Variants in PITX1 observed in about 807,000 individuals in gnomAD.
PITX1 encodes pituitary homeobox 1.
Under a neutral mutation model 24.1 loss-of-function variants are expected in PITX1, and 5 were observed. That is an observed-to-expected ratio of 0.21 (90% confidence interval 0.11 to 0.44). The LOEUF is 0.44. Ranked by LOEUF, PITX1 falls within the 20% of genes least tolerant of loss-of-function variation. The pLI is 0.99. For missense variants in PITX1, 401 were observed against 455.4 expected, an observed-to-expected ratio of 0.88 and a Z score of 1.09; for synonymous variants, 213 against 208.9, an observed-to-expected ratio of 1.02 and a Z score of -0.17.
In PITX1 at chr5:135,033,121, G is replaced by T. The variant is rs1453674797; in HGVS notation, c.169+592C>A. 1.1e-5 allele frequency: 4 copies of T among 364,986 alleles called. No individual in the cohort carries two copies. The East Asian group carries it at 2.9e-4, about 26-fold the overall frequency. The allele number at this position is 364,986 out of a possible 1,614,324, so 22.6% of individuals were successfully genotyped here. The stretch of plus-strand genomic sequence containing the variant: ...GGGCTTCGGCCGCGCACGTGGGCCG[G>T]ATCCCTTGATCGGCGTTCCGGCTGG... On this transcript the variant is annotated intron_variant, in intron 1 of 2. Transcript: ENST00000265340. The surrounding 1 kb of genome is among the most constrained non-coding windows in gnomAD (Gnocchi z 5.9).
At position 135,033,185 on chromosome 5, in the gene PITX1, C is replaced by T. The variant is rs1198055339; in HGVS notation, c.169+528G>A. ...CCGGCCGCGCCTGTTGGCCCGCTCG[C>T]CCTCACCGTCCTCTGTGTCTCCCTT... is the stretch of plus-strand genomic sequence containing the variant. On this transcript the variant is annotated intron_variant, in intron 1 of 2. Transcript: ENST00000265340. This position sits in a 1 kb window ranked among gnomAD's most constrained non-coding sequence, Gnocchi z 5.9. The T allele has an allele frequency of 3.1e-6, 1 of 320,378 alleles. No homozygotes were observed. The highest frequency in any genetic ancestry group is 2.3e-5 in the South Asian group (1 of 43,102). 19.8% of individuals were successfully genotyped at this position (320,378 alleles called of 1,614,324 possible).
intron 2 of PITX1, 32 bp from the exon 3 acceptor site, chr5:135,029,353 C>G (rs566827552): frequency 6.5e-7 from 1 of 1,540,722 alleles, no homozygotes; most frequent in Non-Finnish European, 8.8e-7. Context: ...GGGTCAGGGC[C>G]GCTGCGGGCC....
chr5:135,029,199 G>A lies in PITX1; in HGVS notation c.525C>T (p.Tyr175=), dbSNP rs1174655970. 1.2e-6 allele frequency: 2 copies of A among 1,614,110 alleles called. No individual in the cohort carries two copies. Among genetic ancestry groups the A allele is most frequent in the South Asian group, 1.1e-5 (1 of 91,094 alleles). ...AGTTGTTGTAGGAGTAGCCGGCGGC[G>A]TACACGTCCTCGTAGGGCTGCACTA... ...SGLVQPYEDV[Y]AAGYSYNNWA... The change falls in exon 3 of 3, where the codon TAC becomes TAT. Residue 175 remains tyrosine, a synonymous_variant. Transcript: ENST00000265340.
chr5:135,031,641 T>C (rs1332394472), intron 1 of PITX1, 133 bp from the exon 2 acceptor site: 5 of 725,778 alleles, frequency 6.9e-6, no homozygotes. Context: ...TCCTGGGAAC[T>C]GTCCCCACTG....
At position 135,028,672 on chromosome 5, in the gene PITX1, G is replaced by T; in HGVS notation, c.*107C>A. On this transcript the variant is annotated 3_prime_UTR_variant, in exon 3 of 3. Transcript: ENST00000265340. ...GGGCTGCGCAGGTGTGAGGTCCGCG[G>T]CGCGGTGAGCTGGGGCTTGCGAGCC... 1 of 730,766 alleles carries T rather than the reference G, an allele frequency of 1.4e-6. No homozygotes were observed. Among genetic ancestry groups the T allele is most frequent in the Non-Finnish European group, 1.8e-6 (1 of 543,254 alleles). The allele number at this position is 730,766 out of a possible 1,614,324, so 45.3% of individuals were successfully genotyped here.
At chr5:135,029,430 G>C in intron 2 of PITX1, 109 bp from the exon 3 acceptor site, 2 of 851,256 alleles carry the variant, frequency 2.3e-6, no homozygotes, top group South Asian at 3.4e-5. Flanking sequence ...TCCGAACGTC[G>C]TTTCTCTCCT....
Position 135,034,033 on chromosome 5 carries a change from C to T in PITX1, c.-152G>A. The T allele has an allele frequency of 3.3e-6, 1 of 299,384 alleles. No individual in the cohort carries two copies. Among genetic ancestry groups the T allele is most frequent in the East Asian group, 7.2e-5 (1 of 13,904 alleles). 18.5% of individuals were successfully genotyped at this position (299,384 alleles called of 1,614,324 possible). On this transcript the variant is annotated 5_prime_UTR_variant, in exon 1 of 3. Transcript: ENST00000265340. ...AGCGACGCCGTGCCCGCCCCATGGA[C>T]CGCCCGGGGCTGCGGCGCCGGGCGG...
Position 135,027,840 on chromosome 5 carries a change from G to A in PITX1, c.*939C>T, listed in dbSNP as rs1220243630. 1.3e-5 allele frequency: 2 copies of A among 152,848 alleles called. No homozygotes were observed. The highest frequency in any genetic ancestry group is 4.8e-5 in the African/African-American group (2 of 41,462). 9.5% of individuals were successfully genotyped at this position (152,848 alleles called of 1,614,324 possible). ...ATACACAGGGACGCTGTAAACAGGG[G>A]CGCGGGCCGGAGAGCGGGTGTGCAA... On this transcript the variant is annotated 3_prime_UTR_variant, in exon 3 of 3. Transcript: ENST00000265340.
At chr5:135,031,177 G>T in intron 2 of PITX1, 99 bp downstream of exon 2, 1 of 876,932 alleles carries the variant, frequency 1.1e-6, no homozygotes, top group African/African-American at 1.6e-5. Context: ...TGGTGGGAGA[G>T]TGAAGTTCTG....
At chr5:135,029,611 C>G (rs1210590139) in intron 2 of PITX1, among the ~76,000 whole-genome samples, 1 of 152,236 alleles carries the variant, frequency 6.6e-6, no homozygotes, top group Admixed American at 6.5e-5. Flanking sequence ...CCTCTCTCAA[C>G]CAGTTCACCT....
At position 135,033,861 on chromosome 5, in the gene PITX1, G is replaced by GC; in HGVS notation, c.20dup (p.Met8HisfsTer19). 1 of 1,482,722 alleles carries GC rather than the reference G, an allele frequency of 6.7e-7. No individual in the cohort carries two copies. The highest frequency in any genetic ancestry group is 8.9e-7 in the Non-Finnish European group (1 of 1,126,234). The allele number at this position is 1,482,722 out of a possible 1,614,324, so 91.8% of individuals were successfully genotyped here. On this transcript the variant is annotated frameshift_variant, in exon 1 of 3. Transcript: ENST00000265340. LOFTEE classifies it high-confidence loss of function. The surrounding 1 kb of genome is among the most constrained non-coding windows in gnomAD (Gnocchi z 5.9). ...CCTCCGGCAGCCGCTCCAGGCTCAT[G>GC]CCCCCCTTGAAGGCGTCCATGGAGG...
In PITX1 at chr5:135,034,028, A is replaced by G; in HGVS notation, c.-147T>C. The G allele has an allele frequency of 3.1e-6, 1 of 322,344 alleles. No homozygotes were observed. Among genetic ancestry groups the G allele is most frequent in the Non-Finnish European group, 5.1e-6 (1 of 195,212 alleles). The allele number at this position is 322,344 out of a possible 1,614,324, so 20.0% of individuals were successfully genotyped here. A position where few individuals can be genotyped will look rare whatever the true frequency, so the allele number is the denominator to read the frequency against. ...CCTGCAGCGACGCCGTGCCCGCCCC[A>G]TGGACCGCCCGGGGCTGCGGCGCCG... On this transcript the variant is annotated 5_prime_UTR_variant, in exon 1 of 3. The change abolishes an upstream ATG in the 5' untranslated region. Coordinates refer to ENST00000265340, the MANE Select transcript of PITX1 (RefSeq NM_002653.5).
At chr5:135,029,679 C>T (rs1465382728) in intron 2 of PITX1, among the ~76,000 whole-genome samples, 1 of 152,208 alleles carries the variant, frequency 6.6e-6, no homozygotes, top group East Asian at 1.9e-4. Flanking sequence ...TCTTTTTATT[C>T]TCCCTCAAAT....
intron 1 of PITX1, among the ~76,000 whole-genome samples, chr5:135,032,305 T>A (rs963084093): frequency 2.0e-5 from 3 of 152,152 alleles, no homozygotes; most frequent in African/African-American, 7.2e-5. Flanking sequence ...CACCCCTAAC[T>A]AAATACAGAG....
At position 135,033,887 on chromosome 5, in the gene PITX1, T is replaced by G; in HGVS notation, c.-6A>C. 1 of 1,388,246 alleles carries G rather than the reference T, an allele frequency of 7.2e-7. No individual in the cohort carries two copies. The highest frequency in any genetic ancestry group is 9.3e-7 in the Non-Finnish European group (1 of 1,080,238). 86.0% of individuals were successfully genotyped at this position (1,388,246 alleles called of 1,614,324 possible). A position where few individuals can be genotyped will look rare whatever the true frequency, so the allele number is the denominator to read the frequency against. Reference sequence around the variant, plus strand: ...CCCCCCTTGAAGGCGTCCATGGAGGTGGGGACCGCGGCGGGCGCTCCAGGG... The same window carrying G: ...CCCCCCTTGAAGGCGTCCATGGAGGGGGGGACCGCGGCGGGCGCTCCAGGG... On this transcript the variant is annotated 5_prime_UTR_variant, in exon 1 of 3. Transcript: ENST00000265340. The surrounding 1 kb of genome is among the most constrained non-coding windows in gnomAD (Gnocchi z 5.9).
In PITX1 at chr5:135,031,504, C is replaced by T; in HGVS notation, c.174G>A (p.Lys58=). Residue 58 remains lysine, a synonymous_variant, in exon 2 of 3, where the codon AAG becomes AAA. Coordinates refer to ENST00000265340, the MANE Select transcript of PITX1 (RefSeq NM_002653.5). The part of the protein sequence containing the change: ...SESSDTELPE[K]ERGGEPKGPE... Reference sequence around the variant, plus strand: ...GCCCCTTGGGTTCCCCGCCGCGCTCCTTCTCTGCAGTAGGCAGGACGGGGA... The same window carrying T: ...GCCCCTTGGGTTCCCCGCCGCGCTCTTTCTCTGCAGTAGGCAGGACGGGGA... 6.2e-7 allele frequency: 1 copy of T among 1,610,398 alleles called. No individual in the cohort carries two copies. The highest frequency in any genetic ancestry group is 2.2e-5 in the East Asian group (1 of 44,840).
chr5:135,034,413 C>T (rs1262992707), upstream of PITX1: 3 of 151,668 alleles, frequency 2.0e-5, no homozygotes, highest in Non-Finnish European at 4.4e-5. Context: ...CTGCCTCGCC[C>T]GCGCCCTCCC....
Position 135,028,411 on chromosome 5 carries a change from GC to G in PITX1, c.*367del. ...GTCCTCCCCCGGCCGCTGGGCCTCG[GC>G]GCTCGCCTACCGCGCCGCGTGCCCT... On this transcript the variant is annotated 3_prime_UTR_variant, in exon 3 of 3. Transcript: ENST00000265340. 1 of 157,218 alleles carries G rather than the reference GC, an allele frequency of 6.4e-6. No homozygotes were observed. Among genetic ancestry groups the G allele is most frequent in the African/African-American group, 2.4e-5 (1 of 41,822 alleles). 9.7% of individuals were successfully genotyped at this position (157,218 alleles called of 1,614,324 possible).
rs888616432 is a variant in PITX1 at position 135,033,618 on chromosome 5, T to A, written c.169+95A>T. 2 of 1,249,380 alleles carry A rather than the reference T, an allele frequency of 1.6e-6. No individual in the cohort carries two copies. Among genetic ancestry groups the A allele is most frequent in the African/African-American group, 3.0e-5 (2 of 66,694 alleles). The allele number at this position is 1,249,380 out of a possible 1,614,324, so 77.4% of individuals were successfully genotyped here. ...ACGCTTCTGGGGCGGAGAGGGAGCT[T>A]GGTTGCGCGGCGCGGGCGTCAGGCC... On this transcript the variant is annotated intron_variant, in intron 1 of 2. Coordinates refer to ENST00000265340, the MANE Select transcript of PITX1 (RefSeq NM_002653.5). The surrounding 1 kb of genome is among the most constrained non-coding windows in gnomAD (Gnocchi z 5.9).
Sources: allele counts gnomAD v4.1 joint callset (sites outside exome capture counted in the v4.1 genomes callset), GRCh38; gene constraint gnomAD v4.1.1; non-coding constraint Gnocchi (gnomAD v3.1); transcripts MANE v1.5; gene names NCBI Gene and HGNC (gene_info 2026-07-23, HGNC 2026-07-21).